Variants in DPP10 observed in about 807,000 individuals in gnomAD.
DPP10 encodes the protein dipeptidyl peptidase like 10, also known as inactive dipeptidyl peptidase 10.
DPP10 carries 33 observed loss-of-function variants against 120.9 expected under a neutral mutation model. The observed-to-expected ratio is 0.27, with a 90% CI of 0.21 to 0.37. The LOEUF (loss-of-function observed/expected upper bound fraction) is 0.37, where lower values mean the gene tolerates loss of function less well. Ranked by LOEUF, DPP10 falls within the 10% of genes least tolerant of loss-of-function variation. The pLI is 1.00. For missense variants in DPP10, 816 were observed against 942.8 expected, an observed-to-expected ratio of 0.87 and a Z score of 1.76; for synonymous variants, 337 against 326.1, an observed-to-expected ratio of 1.03 and a Z score of -0.36.
At position 115,843,215 on chromosome 2, in the gene DPP10, T is replaced by C. The variant is rs1690320758; in HGVS notation, c.*870T>C. The C allele has an allele frequency of 6.6e-6, 1 of 152,634 alleles. No individual in the cohort carries two copies. The highest frequency in any genetic ancestry group is 1.5e-5 in the Non-Finnish European group (1 of 68,032). 9.5% of individuals were successfully genotyped at this position (152,634 alleles called of 1,614,324 possible). On this transcript the variant is annotated 3_prime_UTR_variant, in exon 26 of 26. Coordinates refer to ENST00000410059, the MANE Select transcript of DPP10 (RefSeq NM_020868.6). ...GGGTTGTGTTTGGTATTGTTTTTAG[T>C]GGTTAATAGTTTTCCAGTTGCATTT...
intron 5 of DPP10, among the ~76,000 whole-genome samples, chr2:115,648,173 T>C (rs892423758): frequency 6.6e-6 from 1 of 152,088 alleles, no homozygotes; most frequent in Non-Finnish European, 1.5e-5. Flanking sequence ...ATTCCTTCAT[T>C]TAGAATTAAT....
chr2:114,909,963 C>T (rs1045558447), intron 1 of DPP10, among the ~76,000 whole-genome samples: 1 of 151,684 alleles, frequency 6.6e-6, no homozygotes, highest in Admixed American at 6.6e-5. Flanking sequence ...ATACTAGGTC[C>T]TAGAATCATC....
chr2:115,780,163 TTAAA>T (rs1449981014), intron 15 of DPP10, among the ~76,000 whole-genome samples: 2 of 152,022 alleles, frequency 1.3e-5, no homozygotes, highest in African/African-American at 2.4e-5. Context: ...GACTTATTTA[TTAAA>T]TAAACAATTT....
At chr2:114,707,655 A>C (rs142766640) in intron 1 of DPP10, among the ~76,000 whole-genome samples, 228 of 152,282 alleles carry the variant, frequency 1.5e-3, no homozygotes, top group Admixed American at 3.7e-3. Context: ...TTTGGGTGAC[A>C]AGAGAACAGA....
chr2:115,828,230 A>G (rs115990162), intron 21 of DPP10, among the ~76,000 whole-genome samples: 1 of 152,156 alleles, frequency 6.6e-6, no homozygotes, highest in African/African-American at 2.4e-5. Context: ...TTTCAATAAG[A>G]ATATGCCATC....
chr2:115,559,922 G>A (rs2080456264), intron 5 of DPP10, among the ~76,000 whole-genome samples: 1 of 152,024 alleles, frequency 6.6e-6, no homozygotes, highest in Non-Finnish European at 1.5e-5. Flanking sequence ...TGTCTACCAA[G>A]CTTCCATGGT....
intron 8 of DPP10, among the ~76,000 whole-genome samples, chr2:115,730,850 C>T (rs1266496273): frequency 1.3e-5 from 2 of 152,084 alleles, no homozygotes; most frequent in African/African-American, 4.8e-5. Context: ...CTTTGGGCTC[C>T]TATGTTGCCG....
chr2:114,747,229 T>C (rs191548181), intron 1 of DPP10, among the ~76,000 whole-genome samples: 2 of 152,294 alleles, frequency 1.3e-5, no homozygotes, highest in East Asian at 3.9e-4. Context: ...TTAGGATGCT[T>C]CTTACCTGAT....
chr2:115,729,535 G>A (rs987609488), intron 8 of DPP10, among the ~76,000 whole-genome samples: 5 of 152,168 alleles, frequency 3.3e-5, no homozygotes, highest in Admixed American at 6.5e-5. Flanking sequence ...GGAGGCCAAG[G>A]TGGGAGAATT....
At chr2:114,565,096 A>G (rs1689094932) in intron 1 of DPP10, among the ~76,000 whole-genome samples, 1 of 152,182 alleles carries the variant, frequency 6.6e-6, no homozygotes, top group South Asian at 2.1e-4. Flanking sequence ...GGGCCTCGTG[A>G]TGGAGGTTAT....
At chr2:115,088,846 T>C (rs1708999555) in intron 1 of DPP10, among the ~76,000 whole-genome samples, 1 of 151,992 alleles carries the variant, frequency 6.6e-6, no homozygotes, top group South Asian at 2.1e-4. Context: ...TTATGTTTCT[T>C]TTCCACTGAG....
chr2:115,187,448 A>T (rs1321692018), intron 1 of DPP10, among the ~76,000 whole-genome samples: 1 of 152,224 alleles, frequency 6.6e-6, no homozygotes, highest in African/African-American at 2.4e-5. Flanking sequence ...TACATACTAA[A>T]TCTTGAAGCA....
chr2:114,645,220 CT>C (rs764333090), intron 1 of DPP10, among the ~76,000 whole-genome samples: 11 of 152,174 alleles, frequency 7.2e-5, no homozygotes, highest in Non-Finnish European at 1.5e-4. Context: ...GCTAAAAGGC[CT>C]CTTAAAACCT....
intron 1 of DPP10, among the ~76,000 whole-genome samples, chr2:114,802,881 C>A (rs889014827): frequency 3.9e-5 from 6 of 152,138 alleles, no homozygotes; most frequent in Admixed American, 3.9e-4. Flanking sequence ...ATCATGAGTT[C>A]AAATATGGTC....
At chr2:115,633,253 A>G (rs1408469653) in intron 5 of DPP10, among the ~76,000 whole-genome samples, 3 of 152,200 alleles carry the variant, frequency 2.0e-5, no homozygotes, top group African/African-American at 7.2e-5. Flanking sequence ...ATGCAGCTAT[A>G]AAAAAGGATG....
At chr2:114,843,321 G>A (rs1229362423) in intron 1 of DPP10, among the ~76,000 whole-genome samples, 2 of 152,094 alleles carry the variant, frequency 1.3e-5, no homozygotes, top group Non-Finnish European at 2.9e-5. Flanking sequence ...GTGGTCCCCT[G>A]AAGAAATAAA....
At chr2:115,069,873 C>A (rs145073886) in intron 1 of DPP10, among the ~76,000 whole-genome samples, 41 of 150,986 alleles carry the variant, frequency 2.7e-4, no homozygotes, top group Admixed American at 4.0e-4. Flanking sequence ...TATATGTATA[C>A]GTATATAATA....
chr2:115,027,764 T>C (rs1163320677), intron 1 of DPP10, among the ~76,000 whole-genome samples: 2 of 152,136 alleles, frequency 1.3e-5, no homozygotes, highest in African/African-American at 4.8e-5. Context: ...GATGAGAGAC[T>C]TTTTATTATG....
At chr2:115,150,840 T>A (rs1271600470) in intron 1 of DPP10, among the ~76,000 whole-genome samples, 1 of 152,250 alleles carries the variant, frequency 6.6e-6, no homozygotes, top group Non-Finnish European at 1.5e-5. Flanking sequence ...ACAATTTTCA[T>A]ATATATTAGA....
Sources: gnomAD v4.1 joint callset for allele counts (sites outside exome capture counted in the v4.1 genomes callset) on GRCh38, gnomAD v4.1.1 for gene constraint, MANE v1.5 for transcripts, NCBI Gene and HGNC (gene_info 2026-07-23, HGNC 2026-07-21) for gene names.